The following LZTFL1 variants were observed in gnomAD, a reference collection of about 807,000 sequenced individuals.
LZTFL1 encodes leucine zipper transcription factor-like protein 1.
In LZTFL1, 25 loss-of-function variants were observed where a neutral mutation model predicts 45.9. That is an observed-to-expected ratio of 0.54 (90% confidence interval 0.40 to 0.76). The LOEUF is 0.76. LZTFL1 is among the 30% of genes least tolerant of loss of function. The pLI is 0.00. For synonymous variants in LZTFL1, 93 were observed against 117.4 expected, an observed-to-expected ratio of 0.79 and a Z score of 1.35; for missense variants, 277 against 331.1, an observed-to-expected ratio of 0.84 and a Z score of 1.27.
chr3:45,852,681 G>A (rs1352456223), intron 4 of LZTFL1, among the ~76,000 whole-genome samples: 1 of 152,214 alleles, frequency 6.6e-6, no homozygotes, highest in African/African-American at 2.4e-5. Context: ...TGGCAGTAGG[G>A]ATGGGAGGTG....
chr3:45,897,440 T>C, intron 2 of LZTFL1: 1 of 710,650 alleles, frequency 1.4e-6, no homozygotes, highest in Non-Finnish European at 2.5e-6. Flanking sequence ...CAGGACACAA[T>C]GTCCTTGTCT....
At chr3:45,910,693 G>A (rs541816719) in intron 2 of LZTFL1, among the ~76,000 whole-genome samples, 3 of 152,272 alleles carry the variant, frequency 2.0e-5, no homozygotes, top group African/African-American at 7.2e-5. Context: ...AAATGTAAAT[G>A]GATCTCTTTT....
intron 2 of LZTFL1, among the ~76,000 whole-genome samples, chr3:45,897,363 C>T (rs1029407029): frequency 2.0e-5 from 3 of 152,162 alleles, no homozygotes; most frequent in African/African-American, 7.2e-5. Context: ...AACTAAGTAA[C>T]TTCATGCAAA....
chr3:45,893,142 CCTCTCTCT>C (rs1050098172), intron 2 of LZTFL1, among the ~76,000 whole-genome samples: 1 of 151,028 alleles, frequency 6.6e-6, no homozygotes, highest in Non-Finnish European at 1.5e-5. Flanking sequence ...ACTCCCCTTC[CCTCTCTCT>C]CTCTCTCTTT....
intron 2 of LZTFL1, among the ~76,000 whole-genome samples, chr3:45,862,376 C>T (rs993598056): frequency 2.0e-5 from 3 of 152,180 alleles, no homozygotes; most frequent in Non-Finnish European, 4.4e-5. Flanking sequence ...GTGGTGGCTT[C>T]CCTTCAAACA....
intron 2 of LZTFL1, among the ~76,000 whole-genome samples, chr3:45,889,612 C>T (rs945369621): frequency 5.3e-5 from 8 of 151,814 alleles, no homozygotes; most frequent in Non-Finnish European, 2.9e-5. Context: ...TCATTTTCCA[C>T]TGGTCACAGT....
Position 45,832,177 on chromosome 3 carries a change from C to T in LZTFL1, c.456+873G>A, listed in dbSNP as rs528164378. Among the ~76,000 whole-genome samples the T allele has an allele frequency of 2.6e-3, 400 of 152,070 alleles. 11 individuals are homozygous for T. The highest frequency in any genetic ancestry group is 3.4e-3 in the Middle Eastern group (1 of 294). On this transcript the variant is annotated intron_variant, in intron 5 of 9. Transcript: ENST00000296135. ...TGGAGCTTGGAGTGAGCCTAGATCACGCCACCGCACTCCAGCCTGGGCGAC... is the reference window on the plus strand; with the variant it reads ...TGGAGCTTGGAGTGAGCCTAGATCATGCCACCGCACTCCAGCCTGGGCGAC...
chr3:45,905,342 T>C (rs561261670), intron 2 of LZTFL1, among the ~76,000 whole-genome samples: 17 of 152,202 alleles, frequency 1.1e-4, no homozygotes, highest in Non-Finnish European at 2.1e-4. Context: ...CCTACATTAT[T>C]AGAACAGACA....
chr3:45,895,604 C>T (rs191404597), intron 2 of LZTFL1, among the ~76,000 whole-genome samples: 32 of 152,052 alleles, frequency 2.1e-4, no homozygotes, highest in Admixed American at 1.8e-3. Context: ...ATCCCAGCTA[C>T]GTGGGAGGCT....
chr3:45,857,585 C>T (rs60103812), intron 3 of LZTFL1, among the ~76,000 whole-genome samples: 10,426 of 152,204 alleles, frequency 0.069, 433 homozygotes, highest in Non-Finnish European at 0.083. Context: ...GTTATACCAA[C>T]CTAGGAGTTA....
intron 2 of LZTFL1, among the ~76,000 whole-genome samples, chr3:45,860,465 T>C (rs1200725295): frequency 2.4e-4 from 3 of 12,606 alleles, no homozygotes; most frequent in Non-Finnish European, 3.7e-4. Context: ...TTATAAATGC[T>C]TTTTTTTTTT....
chr3:45,870,180 C>T (rs774826487), intron 2 of LZTFL1, among the ~76,000 whole-genome samples: 3 of 152,192 alleles, frequency 2.0e-5, no homozygotes, highest in Non-Finnish European at 4.4e-5. Flanking sequence ...CAAGGGTGCT[C>T]ACGAGGGCAT....
chr3:45,880,529 T>C (rs755908980), intron 2 of LZTFL1, among the ~76,000 whole-genome samples: 26 of 152,204 alleles, frequency 1.7e-4, no homozygotes, highest in Non-Finnish European at 2.9e-4. Context: ...GATCGTGTTA[T>C]CACCTATATA....
chr3:45,834,241 T>C lies in LZTFL1; in HGVS notation c.381A>G (p.Lys127=). Reference sequence around the variant, plus strand: ...TTTAGAATGACCAAAAAGTTACCTTTTTGTTTGAAGATGTAATCTCTGCTT... The same window carrying C: ...TTTAGAATGACCAAAAAGTTACCTTCTTGTTTGAAGATGTAATCTCTGCTT... ...FEKAEITSSN[K]KPILDVTKPK... Residue 127 remains lysine (K), a synonymous_variant, in exon 4 of 10, where the codon AAA becomes AAG. Coordinates refer to ENST00000296135, the MANE Select transcript of LZTFL1 (RefSeq NM_020347.4). The C allele has an allele frequency of 6.3e-7, 1 of 1,586,502 alleles. No homozygotes were observed.
intron 4 of LZTFL1, among the ~76,000 whole-genome samples, chr3:45,849,015 A>G (rs901167122): frequency 6.6e-6 from 1 of 152,228 alleles, no homozygotes; most frequent in Non-Finnish European, 1.5e-5. Flanking sequence ...TCTGATTTCA[A>G]ACATTTTTAT....
chr3:45,830,431 A>G (rs1040072740), intron 7 of LZTFL1, among the ~76,000 whole-genome samples: 6 of 152,188 alleles, frequency 3.9e-5, no homozygotes, highest in Admixed American at 2.0e-4. Flanking sequence ...GTACAGACGC[A>G]TCTGCAGATT....
intron 3 of LZTFL1, among the ~76,000 whole-genome samples, chr3:45,858,529 TGTTA>T (rs1386570696): frequency 1.3e-5 from 2 of 152,244 alleles, no homozygotes; most frequent in Non-Finnish European, 2.9e-5. Flanking sequence ...TTTTATCATT[TGTTA>T]AAGTTAAAAT....
At chr3:45,832,841 T>A in intron 5 of LZTFL1, 2 of 448,652 alleles carry the variant, frequency 4.5e-6, no homozygotes, top group Non-Finnish European at 8.0e-6. Flanking sequence ...TCACTTTACC[T>A]TGAAAAGGTG....
intron 4 of LZTFL1, among the ~76,000 whole-genome samples, chr3:45,849,117 G>A (rs938968958): frequency 1.3e-5 from 2 of 152,198 alleles, no homozygotes; most frequent in African/African-American, 2.4e-5. Context: ...TAACCATCCA[G>A]CAGGACAGAC....
Sources: gnomAD v4.1 joint callset for allele counts (sites outside exome capture counted in the v4.1 genomes callset) on GRCh38, gnomAD v4.1.1 for gene constraint, MANE v1.5 for transcripts, NCBI Gene and HGNC (gene_info 2026-07-23, HGNC 2026-07-21) for gene names.